The following BCKDHB variants were observed in gnomAD, a reference collection of about 807,000 sequenced individuals.
BCKDHB encodes 2-oxoisovalerate dehydrogenase subunit beta, mitochondrial.
Under a neutral mutation model 48.5 loss-of-function variants are expected in BCKDHB, and 41 were observed. That is an observed-to-expected ratio of 0.85 (90% CI 0.66 to 1.10). The LOEUF is 1.10. BCKDHB is among the 50% of genes least tolerant of loss of function. BCKDHB has a pLI of 0.00. For synonymous variants in BCKDHB, 201 were observed against 174.8 expected, an observed-to-expected ratio of 1.15 and a Z score of -1.18; for missense variants, 496 against 494.2, an observed-to-expected ratio of 1.00 and a Z score of -0.03.
In BCKDHB at chr6:80,343,800, A is replaced by C; in HGVS notation, c.1175A>C (p.Tyr392Ser). 6.2e-7 allele frequency: 1 copy of C among 1,613,894 alleles called. No homozygotes were observed. The highest frequency in any genetic ancestry group is 8.5e-7 in the Non-Finnish European group (1 of 1,179,928). Residue 392 changes from tyrosine (Y) to serine (S), a missense_variant, in exon 10 of 10, where the codon TAT (tyrosine) becomes TCT (serine). Physicochemically the swap from Tyr to Ser is moderately radical, Grantham distance 144. Transcript: ENST00000320393. ...GATGCCCTTCGAAAAATGATCAACT[A>C]TTGACCATATAGGTAGGTATGCATC... ...CYDALRKMIN[Y>S] is the part of the protein sequence containing the mutation.
chr6:80,425,480 A>G, the BCKDHB span, among the ~76,000 whole-genome samples: 2 of 152,304 alleles, frequency 1.3e-5, no homozygotes, highest in African/African-American at 4.8e-5. Context: ...AGAGTAAACT[A>G]TGTGTGGTCA....
At chr6:80,413,705 G>A in the BCKDHB span, among the ~76,000 whole-genome samples, 4,690 of 152,210 alleles carry the variant, frequency 0.031, 238 homozygotes, top group African/African-American at 0.11. Flanking sequence ...ACCATTGATG[G>A]GCACTTAGAT....
At chr6:80,195,564 C>CT (rs907864241) in intron 6 of BCKDHB, among the ~76,000 whole-genome samples, 2 of 152,064 alleles carry the variant, frequency 1.3e-5, no homozygotes, top group African/African-American at 4.8e-5. Flanking sequence ...AAGAATAACT[C>CT]TTTTTTTAGC....
At chr6:80,240,133 C>T (rs554628283) in intron 8 of BCKDHB, among the ~76,000 whole-genome samples, 2 of 152,194 alleles carry the variant, frequency 1.3e-5, no homozygotes, top group South Asian at 4.1e-4. Context: ...TTTTCCAATG[C>T]TGTGAAGAAA....
intron 8 of BCKDHB, among the ~76,000 whole-genome samples, chr6:80,270,544 T>G (rs1258108128): frequency 3.3e-5 from 5 of 152,180 alleles, no homozygotes; most frequent in Non-Finnish European, 5.9e-5. Context: ...GTATTTTTCC[T>G]CTAGTTCTTG....
At chr6:80,427,828 A>G in the BCKDHB span, among the ~76,000 whole-genome samples, 2 of 152,172 alleles carry the variant, frequency 1.3e-5, no homozygotes, top group African/African-American at 2.4e-5. Context: ...GCAGTTGTTC[A>G]TATTTTTTTC....
At chr6:80,257,218 A>G (rs1046130327) in intron 8 of BCKDHB, among the ~76,000 whole-genome samples, 1 of 152,018 alleles carries the variant, frequency 6.6e-6, no homozygotes, top group Non-Finnish European at 1.5e-5. Flanking sequence ...CTAGTCTGAT[A>G]TTGGGCTGAT....
chr6:80,395,247 A>C, the BCKDHB span, among the ~76,000 whole-genome samples: 3 of 152,194 alleles, frequency 2.0e-5, no homozygotes, highest in Non-Finnish European at 4.4e-5. Flanking sequence ...GAAGACAAGA[A>C]AATGTAGGAA....
chr6:80,159,970 C>T (rs945403858), intron 3 of BCKDHB, among the ~76,000 whole-genome samples: 1 of 152,182 alleles, frequency 6.6e-6, no homozygotes. Context: ...AAATCTTTTA[C>T]AGAAATCCAT....
chr6:80,328,552 G>C (rs1769156762), intron 9 of BCKDHB, among the ~76,000 whole-genome samples: 1 of 152,214 alleles, frequency 6.6e-6, no homozygotes, highest in Admixed American at 6.5e-5. Flanking sequence ...TAAGAGATCA[G>C]TGCATATCTA....
rs183088109 is a variant in BCKDHB, at chr6:80,186,319, T to C, written c.743-14615T>C. Among the ~76,000 whole-genome samples the C allele has an allele frequency of 4.2e-3, 646 of 152,278 alleles. 11 individuals carry two copies. Among genetic ancestry groups the C allele is most frequent in the Admixed American group, 0.03 (459 of 15,300 alleles). On this transcript the variant is annotated intron_variant, in intron 6 of 9. Coordinates refer to ENST00000320393, the MANE Select transcript of BCKDHB (RefSeq NM_183050.4). ...TCCGGGGCATTACAGCTGCCTCTGC[T>C]GTGTCATACTGGTCGCCAGGGAAGG...
chr6:80,200,784 A>G (rs1308872800), intron 6 of BCKDHB, 150 bp from the exon 7 acceptor site: 3 of 651,424 alleles, frequency 4.6e-6, no homozygotes, highest in Non-Finnish European at 8.0e-6. Flanking sequence ...GAGCCATATC[A>G]TAAATGCTAT....
At chr6:80,129,280 A>T in intron 3 of BCKDHB, 51 bp downstream of exon 3, 2 of 1,459,982 alleles carry the variant, frequency 1.4e-6, no homozygotes, top group Non-Finnish European at 1.9e-6. Flanking sequence ...TTACTAAAAG[A>T]TCTTAAAAAT....
At chr6:80,272,915 A>G (rs775727015) in intron 8 of BCKDHB, among the ~76,000 whole-genome samples, 2 of 152,224 alleles carry the variant, frequency 1.3e-5, no homozygotes, top group African/African-American at 4.8e-5. Flanking sequence ...TTTCTTTTCT[A>G]CTGGGATTAC....
At chr6:80,108,390 T>A (rs1273210932) in intron 1 of BCKDHB, among the ~76,000 whole-genome samples, 1 of 151,448 alleles carries the variant, frequency 6.6e-6, no homozygotes, top group East Asian at 1.9e-4. Flanking sequence ...AAAGAAATTT[T>A]GGTCTAATAC....
intron 3 of BCKDHB, among the ~76,000 whole-genome samples, chr6:80,159,406 T>G (rs1018633319): frequency 1.3e-5 from 2 of 152,192 alleles, no homozygotes; most frequent in African/African-American, 4.8e-5. Context: ...CCTCACAGTC[T>G]CAGAAGTATC....
chr6:80,246,652 T>G (rs970263679), intron 8 of BCKDHB, among the ~76,000 whole-genome samples: 1 of 152,208 alleles, frequency 6.6e-6, no homozygotes, highest in Admixed American at 6.5e-5. Context: ...TCTTCACCAT[T>G]GCAGCTGTAT....
the BCKDHB span, among the ~76,000 whole-genome samples, chr6:80,407,052 C>G: frequency 1.3e-5 from 2 of 152,144 alleles, no homozygotes; most frequent in Non-Finnish European, 2.9e-5. Flanking sequence ...AGGAACGGAT[C>G]TAGTTTTAGC....
chr6:80,399,356 G>A, the BCKDHB span, among the ~76,000 whole-genome samples: 15,694 of 152,004 alleles, frequency 0.1, 2,333 homozygotes, highest in African/African-American at 0.33. Flanking sequence ...AAACCCCATA[G>A]TCTTGGCCCA....
Sources: allele counts gnomAD v4.1 joint callset (sites outside exome capture counted in the v4.1 genomes callset), GRCh38; gene constraint gnomAD v4.1.1; transcripts MANE v1.5; gene names NCBI Gene and HGNC (gene_info 2026-07-23, HGNC 2026-07-21).